The following MGMT variants were observed in gnomAD, a reference collection of about 807,000 sequenced individuals.
MGMT encodes the protein methylated-DNA--protein-cysteine methyltransferase.
MGMT carries 14 observed loss-of-function variants against 15.9 expected under a neutral mutation model. The observed-to-expected ratio is 0.88, with a 90% CI of 0.58 to 1.37. The LOEUF (loss-of-function observed/expected upper bound fraction) is 1.37, where lower values mean the gene tolerates loss of function less well. Ranked by LOEUF, MGMT falls within the 40% of genes most tolerant of loss-of-function variation. MGMT has a pLI of 0.00. For missense variants in MGMT, 282 were observed against 268.1 expected, an observed-to-expected ratio of 1.05 and a Z score of -0.36; for synonymous variants, 130 against 118.2, an observed-to-expected ratio of 1.10 and a Z score of -0.65.
intron 2 of MGMT, among the ~76,000 whole-genome samples, chr10:129,668,596 C>A (rs1030445525): frequency 1.3e-5 from 2 of 152,142 alleles, no homozygotes; most frequent in Non-Finnish European, 2.9e-5. Flanking sequence ...ATTTTATTGT[C>A]CTATTTGCTT....
intron 2 of MGMT, among the ~76,000 whole-genome samples, chr10:129,558,487 T>C (rs899540766): frequency 2.0e-5 from 3 of 152,212 alleles, no homozygotes; most frequent in Non-Finnish European, 4.4e-5. Context: ...GTGGCCCTGG[T>C]CCTCAGCGCC....
At chr10:129,512,520 C>G (rs1305261214) in intron 1 of MGMT, among the ~76,000 whole-genome samples, 1 of 152,144 alleles carries the variant, frequency 6.6e-6, no homozygotes, top group African/African-American at 2.4e-5. Context: ...AGCTTCGGGT[C>G]TTTCATCATC....
rs973074620 is a variant in MGMT at position 129,561,852 on chromosome 10, G to A, written c.125+25475G>A. Among the ~76,000 whole-genome samples, 9 of 152,280 alleles carry A rather than the reference G, an allele frequency of 5.9e-5. No homozygotes were observed. In the South Asian group the frequency reaches 1.2e-3, roughly 21 times the overall value. On this transcript the variant is annotated intron_variant, in intron 2 of 4. Transcript: ENST00000651593. ...TGATTAAAAACTTCCTCCATTAGAA[G>A]CACTGCACCCAGGACTTGTAAATGA...
intron 2 of MGMT, among the ~76,000 whole-genome samples, chr10:129,676,168 C>T (rs1023480074): frequency 6.6e-6 from 1 of 152,196 alleles, no homozygotes; most frequent in African/African-American, 2.4e-5. Flanking sequence ...CAATGGAAGG[C>T]AAGGCTGGAC....
chr10:129,565,685 G>T (rs553005281), intron 2 of MGMT, among the ~76,000 whole-genome samples: 1 of 152,142 alleles, frequency 6.6e-6, no homozygotes, highest in Non-Finnish European at 1.5e-5. Context: ...ATCAGCCCAT[G>T]TTCTTCTGCC....
chr10:129,591,680 C>G (rs1846687782), intron 2 of MGMT, among the ~76,000 whole-genome samples: 1 of 152,142 alleles, frequency 6.6e-6, no homozygotes, highest in African/African-American at 2.4e-5. Context: ...GCCTGTAATC[C>G]CAGCACTTTG....
At chr10:129,480,409 G>A (rs1457389398) in intron 1 of MGMT, among the ~76,000 whole-genome samples, 3 of 152,084 alleles carry the variant, frequency 2.0e-5, no homozygotes, top group African/African-American at 4.8e-5. Flanking sequence ...GTCTTTCATC[G>A]GCCCTGTGGA....
chr10:129,515,686 G>A (rs1845730903), intron 1 of MGMT, among the ~76,000 whole-genome samples: 1 of 152,184 alleles, frequency 6.6e-6, no homozygotes, highest in African/African-American at 2.4e-5. Flanking sequence ...TGACCTTGAC[G>A]TCTTGAGGCA....
intron 2 of MGMT, among the ~76,000 whole-genome samples, chr10:129,558,903 C>T (rs1310417442): frequency 6.6e-6 from 1 of 152,178 alleles, no homozygotes; most frequent in East Asian, 1.9e-4. Flanking sequence ...AGCTGCATCC[C>T]CGACGCCGGG....
Position 129,659,343 on chromosome 10 carries a change from C to T in MGMT, c.126-48552C>T, listed in dbSNP as rs565795733. Among the ~76,000 whole-genome samples the T allele has an allele frequency of 8.9e-5, 13 of 146,398 alleles. No individual in the cohort carries two copies. In the South Asian group the frequency reaches 1.9e-3, roughly 21 times the overall value. ...CTGCGCTCCAGCCTGGGTGGCAGAG[C>T]GAGACTCCCTGTGTGGAAAAAAAAA... On this transcript the variant is annotated intron_variant, in intron 2 of 4. Transcript: ENST00000651593. This position sits in a 1 kb window ranked among gnomAD's most constrained non-coding sequence, Gnocchi z 4.1.
chr10:129,707,763 A>G, intron 2 of MGMT, 132 bp from the exon 3 acceptor site: 1 of 1,226,562 alleles, frequency 8.2e-7, no homozygotes, highest in African/African-American at 1.5e-5. Flanking sequence ...TCTGCTGCAC[A>G]GCTAGTTGAG....
intron 4 of MGMT, among the ~76,000 whole-genome samples, chr10:129,766,328 C>T (rs1183750291): frequency 1.3e-5 from 2 of 152,202 alleles, no homozygotes; most frequent in Non-Finnish European, 2.9e-5. Context: ...GTTGGCCGGC[C>T]ATGGGCTGGA....
chr10:129,724,554 A>C (rs1848410643), intron 3 of MGMT, among the ~76,000 whole-genome samples: 1 of 152,234 alleles, frequency 6.6e-6, no homozygotes, highest in Admixed American at 6.5e-5. Flanking sequence ...ATTCCACCTT[A>C]AAGGAAAAAA....
At position 129,769,213 on chromosome 10, in the gene MGMT, C is replaced by T. The variant is rs1848973655; in HGVS notation, c.*2216C>T. 1 of 152,282 alleles carries T rather than the reference C, an allele frequency of 6.6e-6. No individual in the cohort carries two copies. Among genetic ancestry groups the T allele is most frequent in the South Asian group, 2.1e-4 (1 of 4,834 alleles). 9.4% of individuals were successfully genotyped at this position (152,282 alleles called of 1,614,324 possible). ...CTGTCAGAACAGGCTTGATAGATGC[C>T]CGGAGGTTCCCTCTGACAGCCGCAG... On this transcript the variant is annotated 3_prime_UTR_variant, in exon 5 of 5. Coordinates refer to ENST00000651593, the MANE Select transcript of MGMT (RefSeq NM_002412.5).
At chr10:129,719,299 T>C (rs1225658357) in intron 3 of MGMT, among the ~76,000 whole-genome samples, 1 of 152,242 alleles carries the variant, frequency 6.6e-6, no homozygotes, top group Non-Finnish European at 1.5e-5. Flanking sequence ...ACTGTCACCA[T>C]GTGGGCCCTA....
intron 2 of MGMT, among the ~76,000 whole-genome samples, chr10:129,588,365 T>C (rs939625805): frequency 1.3e-5 from 2 of 152,332 alleles, no homozygotes; most frequent in Middle Eastern, 3.4e-3. Flanking sequence ...AACCACTGAA[T>C]CTGTGGTAAT....
chr10:129,646,754 A>ATATATTTTTT, intron 2 of MGMT, among the ~76,000 whole-genome samples: 1 of 86,674 alleles, frequency 1.2e-5, no homozygotes, highest in African/African-American at 3.9e-5. Context: ...ATATATATAT[A>ATATATTTTTT]TTTTCAGGGA....
chr10:129,610,535 C>T (rs963298072), intron 2 of MGMT, among the ~76,000 whole-genome samples: 1 of 152,202 alleles, frequency 6.6e-6, no homozygotes, highest in East Asian at 1.9e-4. Context: ...ATTCCTCATG[C>T]CCCTCATAGC....
intron 2 of MGMT, among the ~76,000 whole-genome samples, chr10:129,541,919 A>G (rs1846046274): frequency 6.6e-6 from 1 of 152,150 alleles, no homozygotes. Context: ...TGGGGCATGC[A>G]GGTTGGCCCT....
Sources: gnomAD v4.1 joint callset for allele counts (sites outside exome capture counted in the v4.1 genomes callset) on GRCh38, gnomAD v4.1.1 for gene constraint, Gnocchi (gnomAD v3.1) non-coding constraint, MANE v1.5 for transcripts, NCBI Gene and HGNC (gene_info 2026-07-23, HGNC 2026-07-21) for gene names.